The following CRTAC1 variants were observed in gnomAD, a reference collection of about 807,000 sequenced individuals.
The protein encoded by CRTAC1 is cartilage acidic protein 1.
CRTAC1 carries 37 observed loss-of-function variants against 67.8 expected under a neutral mutation model. That is an observed-to-expected ratio of 0.55 (90% confidence interval 0.42 to 0.72). The LOEUF is 0.72. Among genes scored for constraint, CRTAC1 ranks in the 30% least tolerant of loss-of-function variants. The probability of loss-of-function intolerance (pLI) is 0.00; values close to 1 mark genes in which losing one functional copy is unlikely to be tolerated. For synonymous variants in CRTAC1, 348 were observed against 371.0 expected, an observed-to-expected ratio of 0.94 and a Z score of 0.71; for missense variants, 780 against 931.6, an observed-to-expected ratio of 0.84 and a Z score of 2.12.
At chr10:97,881,216 G>A (rs985035403) in intron 13 of CRTAC1, among the ~76,000 whole-genome samples, 1 of 152,144 alleles carries the variant, frequency 6.6e-6, no homozygotes, top group Admixed American at 6.6e-5. Flanking sequence ...CCCTACAGGG[G>A]CCTCATGGAC....
At chr10:97,951,468 G>A (rs1003007692) in intron 2 of CRTAC1, among the ~76,000 whole-genome samples, 13 of 152,186 alleles carry the variant, frequency 8.5e-5, no homozygotes, top group African/African-American at 3.1e-4. Flanking sequence ...AGGGGTCTTT[G>A]TTGCAGGCTG....
At chr10:97,875,284 G>T (rs914906945) in intron 14 of CRTAC1, among the ~76,000 whole-genome samples, 1 of 152,234 alleles carries the variant, frequency 6.6e-6, no homozygotes, top group South Asian at 2.1e-4. Flanking sequence ...GGATGGGTGT[G>T]AGTATTCATG....
intron 6 of CRTAC1, 29 bp from the exon 7 acceptor site, chr10:97,904,843 G>T: frequency 1.3e-6 from 2 of 1,582,426 alleles, no homozygotes; most frequent in Non-Finnish European, 1.7e-6. Context: ...AACTCTCAGG[G>T]CGGCATCCCC....
chr10:97,894,707 T>C (rs2050424675), intron 11 of CRTAC1, among the ~76,000 whole-genome samples: 1 of 87,790 alleles, frequency 1.1e-5, no homozygotes, highest in African/African-American at 5.0e-5. Context: ...CCCTGATGCT[T>C]TTACATATAT....
In CRTAC1 at chr10:97,895,490, G is replaced by A. The variant is rs546862693; in HGVS notation, c.1318-77C>T. 5.9e-5 allele frequency: 78 copies of A among 1,322,200 alleles called. No homozygotes were observed. The African/African-American group carries it at 8.5e-4, about 14-fold the overall frequency. 81.9% of individuals were successfully genotyped at this position (1,322,200 alleles called of 1,614,324 possible). ...GGAAGAGCAGGGAGCCAGGGAGGACGGGAGGGGGAGAGGGAGAAGAAGGAG... is the reference window on the plus strand; with the variant it reads ...GGAAGAGCAGGGAGCCAGGGAGGACAGGAGGGGGAGAGGGAGAAGAAGGAG... On this transcript the variant is annotated intron_variant, in intron 10 of 14. Coordinates refer to ENST00000370597, the MANE Select transcript of CRTAC1 (RefSeq NM_018058.7). This position sits in a 1 kb window ranked among gnomAD's most constrained non-coding sequence, Gnocchi z 4.2.
Position 97,923,325 on chromosome 10 carries a change from T to G in CRTAC1, c.497A>C (p.Asn166Thr), listed in dbSNP as rs2050867588. ...RWEDILSDEVNVARGVASLFA... is the reference protein window; with the variant it reads ...RWEDILSDEVTVARGVASLFA... ...GAGGCTGGCCACACCACGGGCCACG[T>G]TGACCTCATCGCTCAGGATGTCTTC... is the stretch of plus-strand genomic sequence containing the variant. The change falls in exon 4 of 15, where the codon AAC (asparagine) becomes ACC (threonine). Residue 166 changes from asparagine to threonine, a missense_variant. Coordinates refer to ENST00000370597, the MANE Select transcript of CRTAC1 (RefSeq NM_018058.7). The G allele has an allele frequency of 6.2e-7, 1 of 1,614,148 alleles. No homozygotes were observed. The highest frequency in any genetic ancestry group is 8.5e-7 in the Non-Finnish European group (1 of 1,180,038).
intron 5 of CRTAC1, among the ~76,000 whole-genome samples, chr10:97,912,011 G>A (rs1158813502): frequency 6.6e-5 from 10 of 152,138 alleles, no homozygotes; most frequent in East Asian, 1.9e-4. Context: ...GAGACACCAC[G>A]GCACCGGGGG....
At chr10:97,913,552 T>A (rs2050718891) in intron 5 of CRTAC1, among the ~76,000 whole-genome samples, 1 of 152,168 alleles carries the variant, frequency 6.6e-6, no homozygotes, top group Non-Finnish European at 1.5e-5. Context: ...ACACAAAAAT[T>A]ACATTTCAAT....
intron 2 of CRTAC1, among the ~76,000 whole-genome samples, chr10:97,956,419 G>A (rs2051441514): frequency 6.6e-6 from 1 of 152,212 alleles, no homozygotes; most frequent in Non-Finnish European, 1.5e-5. Flanking sequence ...CCTGGTGGCT[G>A]TGCTGTCAAT....
At chr10:97,875,117 G>A (rs2050132450) in intron 14 of CRTAC1, among the ~76,000 whole-genome samples, 1 of 152,180 alleles carries the variant, frequency 6.6e-6, no homozygotes, top group African/African-American at 2.4e-5. Flanking sequence ...CCTAGAGATC[G>A]CACAGCATAA....
In CRTAC1 at chr10:98,011,324, AACATCCTGG is replaced by A. The variant is rs1842904475; in HGVS notation, c.29_37del (p.Ser10_Met12del). On this transcript the variant is annotated inframe_deletion, in exon 2 of 15. Transcript: ENST00000370597. ...AAACCAGAGCAGCAGCAGGAACGGT[AACATCCTGG>A]ACATCTGAAACCAAAAGTGACAAAT... is the stretch of plus-strand genomic sequence containing the variant. 6.2e-7 allele frequency: 1 copy of A among 1,613,840 alleles called. No individual in the cohort carries two copies. Among genetic ancestry groups the A allele is most frequent in the African/African-American group, 1.3e-5 (1 of 74,922 alleles).
intron 2 of CRTAC1, among the ~76,000 whole-genome samples, chr10:98,003,935 G>A (rs1193688975): frequency 6.6e-6 from 1 of 152,232 alleles, no homozygotes; most frequent in Non-Finnish European, 1.5e-5. Flanking sequence ...CTGGGGAGAA[G>A]GAGGTACGGA....
intron 2 of CRTAC1, among the ~76,000 whole-genome samples, chr10:97,940,564 C>A (rs924540528): frequency 3.9e-5 from 6 of 152,240 alleles, no homozygotes; most frequent in Non-Finnish European, 5.9e-5. Context: ...GCATGACCAA[C>A]CCGTGCTGTG....
intron 1 of CRTAC1, among the ~76,000 whole-genome samples, chr10:98,028,185 A>G (rs574382578): frequency 8.3e-4 from 126 of 152,334 alleles, no homozygotes; most frequent in South Asian, 1.2e-3. Flanking sequence ...CACCTGCCCC[A>G]TAGCACCCGA....
At chr10:97,940,544 G>A (rs2051155925) in intron 2 of CRTAC1, among the ~76,000 whole-genome samples, 1 of 152,220 alleles carries the variant, frequency 6.6e-6, no homozygotes, top group South Asian at 2.1e-4. Flanking sequence ...CTTGAGAGAC[G>A]CCATCAAGGG....
chr10:97,882,042 T>C (rs1040576973), intron 13 of CRTAC1, among the ~76,000 whole-genome samples: 1 of 152,242 alleles, frequency 6.6e-6, no homozygotes, highest in Non-Finnish European at 1.5e-5. Context: ...TTTCAGCTCC[T>C]GAGAGTGGTA....
At chr10:97,941,002 G>T (rs1423609323) in intron 2 of CRTAC1, among the ~76,000 whole-genome samples, 1 of 152,048 alleles carries the variant, frequency 6.6e-6, no homozygotes, top group Non-Finnish European at 1.5e-5. Context: ...TTATTCCCAT[G>T]TAAAACCAAA....
chr10:97,878,732 G>C, intron 14 of CRTAC1: 1 of 1,300,668 alleles, frequency 7.7e-7, no homozygotes. Flanking sequence ...CCTATGTCCA[G>C]CCAGACATTG....
chr10:97,960,606 C>T (rs2051510195), intron 2 of CRTAC1, among the ~76,000 whole-genome samples: 1 of 152,178 alleles, frequency 6.6e-6, no homozygotes, highest in African/African-American at 2.4e-5. Context: ...GCATGCCCTC[C>T]AAGTCTTTAG....
Sources: gnomAD v4.1 joint callset for allele counts (sites outside exome capture counted in the v4.1 genomes callset) on GRCh38, gnomAD v4.1.1 for gene constraint, Gnocchi (gnomAD v3.1) non-coding constraint, MANE v1.5 for transcripts, NCBI Gene and HGNC (gene_info 2026-07-23, HGNC 2026-07-21) for gene names.